The following USP22 variants were observed in gnomAD, a reference collection of about 807,000 sequenced individuals.
USP22 encodes the protein ubiquitin carboxyl-terminal hydrolase 22.
A neutral mutation model predicts 68.1 loss-of-function variants in USP22; 22 were observed. The observed-to-expected ratio is 0.32, with a 90% CI of 0.23 to 0.46. The LOEUF is 0.46. Ranked by LOEUF, USP22 falls within the 20% of genes least tolerant of loss-of-function variation. USP22 has a pLI of 1.00. For missense variants in USP22, 433 were observed against 695.8 expected (o/e 0.62, Z 4.25); for synonymous variants, 279 against 274.2 (o/e 1.02, Z -0.17).
At chr17:21,023,664 A>T (rs1234937132) in intron 2 of USP22, among the ~76,000 whole-genome samples, 1 of 151,464 alleles carries the variant, frequency 6.6e-6, no homozygotes, top group Non-Finnish European at 1.5e-5. Flanking sequence ...AAAAAAAAAA[A>T]AATTGGGAGA....
At chr17:21,036,168 GA>G (rs1183636835) in intron 1 of USP22, among the ~76,000 whole-genome samples, 1 of 151,880 alleles carries the variant, frequency 6.6e-6, no homozygotes, top group Non-Finnish European at 1.5e-5. Context: ...TCTGGAAAGG[GA>G]AAAACCTCCG....
In USP22 at chr17:21,002,938, C is replaced by T. The variant is rs4985956; in HGVS notation, c.*93G>A. On this transcript the variant is annotated 3_prime_UTR_variant, in exon 13 of 13. Transcript: ENST00000261497. The stretch of plus-strand genomic sequence containing the variant: ...TGGTGTCACCAGGCCGGGGAGGCGG[C>T]GGGAGACTTGGGGGAGGGGGGGGCC... The T allele has an allele frequency of 0.55, 820,806 of 1,486,502 alleles. 228,399 individuals are homozygous for T. The highest frequency in any genetic ancestry group is 0.65 in the Middle Eastern group (2,667 of 4,104). The allele number at this position is 1,486,502 out of a possible 1,614,324, so 92.1% of individuals were successfully genotyped here. A position where few individuals can be genotyped will look rare whatever the true frequency, so the allele number is the denominator to read the frequency against.
chr17:21,006,849 G>A, intron 10 of USP22, 47 bp downstream of exon 10: 1 of 1,470,702 alleles, frequency 6.8e-7, no homozygotes, highest in Non-Finnish European at 9.1e-7. Context: ...TGTCCTGATA[G>A]GATCACAGCC....
Position 21,002,965 on chromosome 17 carries a change from G to C in USP22, c.*66C>G, listed in dbSNP as rs78002521. The C allele has an allele frequency of 4.4e-6, 7 of 1,595,478 alleles. No individual in the cohort carries two copies. In the African/African-American group the frequency reaches 9.4e-5, roughly 21 times the overall value. ...GGAGACTTGGGGGAGGGGGGGGCCA[G>C]GGAGGATCACTTTGTGAGGCTTGCC... On this transcript the variant is annotated 3_prime_UTR_variant, in exon 13 of 13. Coordinates refer to ENST00000261497, the MANE Select transcript of USP22 (RefSeq NM_015276.2).
At position 21,000,337 on chromosome 17, in the gene USP22, T is replaced by G. The variant is rs1418638288; in HGVS notation, c.*2694A>C. ...AGAACACATCAAACACAAGACCTAA[T>G]GCAAGGGGCAGTGCCAGGGCCGCCG... On this transcript the variant is annotated 3_prime_UTR_variant, in exon 13 of 13. Coordinates refer to ENST00000261497, the MANE Select transcript of USP22 (RefSeq NM_015276.2). 2.0e-5 allele frequency: 3 copies of G among 152,220 alleles called. No homozygotes were observed. Among genetic ancestry groups the G allele is most frequent in the African/African-American group, 7.2e-5 (3 of 41,454 alleles). 9.4% of individuals were successfully genotyped at this position (152,220 alleles called of 1,614,324 possible).
At chr17:21,018,982 G>C in intron 4 of USP22, 102 bp downstream of exon 4, 1 of 1,198,540 alleles carries the variant, frequency 8.3e-7, no homozygotes, top group South Asian at 1.3e-5. Context: ...AGTTATGCAG[G>C]GCTTCAACAG....
chr17:21,010,196 G>C (rs1194327271), intron 8 of USP22, among the ~76,000 whole-genome samples: 1 of 152,116 alleles, frequency 6.6e-6, no homozygotes, highest in Non-Finnish European at 1.5e-5. Flanking sequence ...CTTTGGTCGT[G>C]CTGACTATGC....
chr17:21,019,609 G>A (rs1162660977), intron 3 of USP22, among the ~76,000 whole-genome samples: 3 of 152,156 alleles, frequency 2.0e-5, no homozygotes, highest in South Asian at 4.2e-4. Flanking sequence ...TAAACTCAGC[G>A]TCGAGTTACC....
intron 1 of USP22, among the ~76,000 whole-genome samples, chr17:21,039,559 C>T (rs1972400777): frequency 6.6e-6 from 1 of 151,976 alleles, no homozygotes; most frequent in African/African-American, 2.4e-5. Context: ...AGTGAAAACC[C>T]CATCTCAAAA....
chr17:21,042,259 G>A (rs1972444038), intron 1 of USP22: 1 of 158,910 alleles, frequency 6.3e-6, no homozygotes, highest in African/African-American at 2.4e-5. Flanking sequence ...CGAAGTCCCA[G>A]GCTCCCCAGG....
intron 1 of USP22, among the ~76,000 whole-genome samples, chr17:21,038,277 A>G (rs1454951033): frequency 6.6e-6 from 1 of 151,796 alleles, no homozygotes; most frequent in Non-Finnish European, 1.5e-5. Context: ...TATCAGGAAA[A>G]TGAGCTAGAC....
At chr17:21,041,030 G>A (rs1270023335) in intron 1 of USP22, among the ~76,000 whole-genome samples, 1 of 151,828 alleles carries the variant, frequency 6.6e-6, no homozygotes, top group Admixed American at 6.6e-5. Context: ...GATTACAGGC[G>A]CCCGCCATCA....
chr17:21,009,674 G>T (rs1233981347), intron 8 of USP22, among the ~76,000 whole-genome samples: 1 of 142,224 alleles, frequency 7.0e-6, no homozygotes, highest in Non-Finnish European at 1.6e-5. Context: ...GTTTTGGTTG[G>T]CCGGGCATGC....
chr17:21,007,004 G>A lies in USP22; in HGVS notation c.1231-17C>T, dbSNP rs76025118. 5.1e-6 allele frequency: 8 copies of A among 1,576,810 alleles called. No individual in the cohort carries two copies. The highest frequency in any genetic ancestry group is 1.7e-4 in the Middle Eastern group (1 of 5,992). On this transcript the variant is annotated splice_polypyrimidine_tract_variant and intron_variant, in intron 9 of 12. Transcript: ENST00000261497. ...TTCAAATCGCTGCAGAAATAGGAAG[G>A]GGACAGAGGGAAGAGGAAAGAAGAT...
rs776622808 is a variant in USP22, at chr17:21,042,790, G to A, written c.46C>T (p.Leu16=). 2 of 1,485,078 alleles carry A rather than the reference G, an allele frequency of 1.3e-6. No homozygotes were observed. Among genetic ancestry groups the A allele is most frequent in the South Asian group, 1.3e-5 (1 of 77,878 alleles). The allele number at this position is 1,485,078 out of a possible 1,614,324, so 92.0% of individuals were successfully genotyped here. ...EPEGEAMDAE[L]AVAPPGCSHL... ...GAGCAGCCCGGCGGCGCTACCGCCAGCTCGGCGTCCATGGCCTCGCCCTCG... is the reference window on the plus strand; with the variant it reads ...GAGCAGCCCGGCGGCGCTACCGCCAACTCGGCGTCCATGGCCTCGCCCTCG... The change falls in exon 1 of 13, where the codon CTG becomes TTG. Residue 16 remains leucine (L), a synonymous_variant. Transcript: ENST00000261497.
chr17:21,031,230 T>A (rs768058701), intron 1 of USP22, among the ~76,000 whole-genome samples: 14 of 152,242 alleles, frequency 9.2e-5, no homozygotes, highest in Non-Finnish European at 1.5e-4. Context: ...AGGACTTTTG[T>A]AGCATTATTA....
intron 1 of USP22, among the ~76,000 whole-genome samples, chr17:21,032,360 C>T (rs531283019): frequency 1.3e-5 from 2 of 152,374 alleles, no homozygotes; most frequent in South Asian, 4.1e-4. Context: ...CCAATCTACA[C>T]TGTGGAACAG....
intron 1 of USP22, 80 bp downstream of exon 1, chr17:21,042,585 G>A: frequency 8.0e-7 from 1 of 1,246,214 alleles, no homozygotes; most frequent in Non-Finnish European, 1.0e-6. Flanking sequence ...GAAGAGGGCA[G>A]GAAAAGGGCC....
intron 1 of USP22, among the ~76,000 whole-genome samples, chr17:21,031,707 A>T (rs955635755): frequency 6.7e-6 from 1 of 149,276 alleles, no homozygotes; most frequent in Non-Finnish European, 1.5e-5. Context: ...ACAACCTAGG[A>T]CTGTGCTACA....
Sources: gnomAD v4.1 joint callset for allele counts (sites outside exome capture counted in the v4.1 genomes callset) on GRCh38, gnomAD v4.1.1 for gene constraint, MANE v1.5 for transcripts, NCBI Gene and HGNC (gene_info 2026-07-23, HGNC 2026-07-21) for gene names.